AGRN: variants seen among roughly 807,000 people sequenced by gnomAD.
AGRN encodes agrin.
AGRN carries 106 observed loss-of-function variants against 211.0 expected under a neutral mutation model. The observed-to-expected ratio is 0.50, with a 90% CI of 0.43 to 0.59. The LOEUF is 0.59. Ranked by LOEUF, AGRN falls within the 20% of genes least tolerant of loss-of-function variation. The pLI is 0.00. For missense variants in AGRN, 3,040 were observed against 2,982.6 expected, an observed-to-expected ratio of 1.02 and a Z score of -0.45; for synonymous variants, 1,525 against 1,332.5, an observed-to-expected ratio of 1.14 and a Z score of -3.15.
At chr1:1,041,855 CCCTCTGGGAGGGCCG>C in intron 6 of AGRN, 86 bp from the exon 7 acceptor site, 4 of 1,546,276 alleles carry the variant, frequency 2.6e-6, no homozygotes, top group Middle Eastern at 2.3e-4. Flanking sequence ...TGGGCGGCTC[CCCTCTGGGAGGGCCG>C]CCTGCTCCCC....
At chr1:1,052,206 C>T (rs892440115) in intron 33 of AGRN, 16 of 589,126 alleles carry the variant, frequency 2.7e-5, no homozygotes, top group Middle Eastern at 6.1e-4. Context: ...GGGCACAGGC[C>T]GAGGGTCGCC....
chr1:1,027,716 C>T (rs1644550009), intron 2 of AGRN, among the ~76,000 whole-genome samples: 1 of 152,294 alleles, frequency 6.6e-6, no homozygotes, highest in Admixed American at 6.5e-5. Context: ...GACACAGATG[C>T]CCACCCCTGC....
chr1:1,043,862 G>T lies in AGRN; in HGVS notation c.1838G>T (p.Cys613Phe). ...GDAVCAFGAVCSAGQCVCPRC... is the reference protein window; with the variant it reads ...GDAVCAFGAVFSAGQCVCPRC... ...GCCGTGTGTGCTTTTGGGGCTGTGT[G>T]CTCCGCAGGGCAGTGTGTGTGTCCC... The change falls in exon 10 of 36, where the codon TGC (cysteine) becomes TTC (phenylalanine). Residue 613 changes from cysteine (C) to phenylalanine (F), a missense_variant. Physicochemically the swap from Cys to Phe is radical, Grantham distance 205. Around this residue, in one of 3 missense-constraint regions of AGRN, gnomAD observed 1,498 missense variants for 1,457.8 expected, o/e 1.03. Transcript: ENST00000379370. The T allele has an allele frequency of 6.2e-7, 1 of 1,611,352 alleles. No individual in the cohort carries two copies.
At chr1:1,033,342 G>A (rs1349419178) in intron 2 of AGRN, among the ~76,000 whole-genome samples, 3 of 151,806 alleles carry the variant, frequency 2.0e-5, no homozygotes, top group East Asian at 3.9e-4. Flanking sequence ...CGGGGCCGCG[G>A]GCGCAGACAC....
rs1327744072 is a variant in AGRN at position 1,053,763 on chromosome 1, C to G, written c.5662C>G (p.Leu1888Val). Residue 1888 changes from leucine to valine, a missense_variant, in exon 34 of 36, where the codon CTG becomes GTG. Leu to Val is a conservative substitution (Grantham distance 32). This residue lies in a region of AGRN where 1,537 missense variants were observed against 1,505.0 expected (regional missense o/e 1.02). Coordinates refer to ENST00000379370, the MANE Select transcript of AGRN (RefSeq NM_198576.4). ...LNAVTESEKA[L>V]QSNHFELSLR... ...CCCTCTGCCCTCCAGCGAGAAGGCA[C>G]TGCAGAGCAACCACTTTGAACTGAG... The G allele has an allele frequency of 1.2e-6, 2 of 1,605,040 alleles. No individual in the cohort carries two copies. Among genetic ancestry groups the G allele is most frequent in the African/African-American group, 1.3e-5 (1 of 74,980 alleles).
At chr1:1,020,426 G>T in intron 1 of AGRN, 53 bp downstream of exon 1, 1 of 1,467,670 alleles carries the variant, frequency 6.8e-7, no homozygotes, top group Non-Finnish European at 9.1e-7. Flanking sequence ...GCCCCGCCGG[G>T]ACCCCCGCCC....
rs371375427 is a variant in AGRN, at chr1:1,046,100, G to A, written c.2805+12G>A. 72 of 1,613,904 alleles carry A rather than the reference G, an allele frequency of 4.5e-5. No homozygotes were observed. The highest frequency in any genetic ancestry group is 5.8e-5 in the Non-Finnish European group (69 of 1,180,026). On this transcript the variant is annotated intron_variant, in intron 16 of 35. Coordinates refer to ENST00000379370, the MANE Select transcript of AGRN (RefSeq NM_198576.4). ...CCAACGCTACCAAGGTGAGGGGTGT[G>A]GGATGTGAAGGGGAGTGGGGAGGAG...
rs372633739 is a variant in AGRN at position 1,046,043 on chromosome 1, C to T, written c.2760C>T (p.His920=). 2.5e-6 allele frequency: 4 copies of T among 1,613,948 alleles called. No homozygotes were observed. In the African/African-American group the frequency reaches 5.3e-5, roughly 22 times the overall value. Residue 920 remains histidine, a synonymous_variant, in exon 16 of 36, where the codon CAC becomes CAT. Coordinates refer to ENST00000379370, the MANE Select transcript of AGRN (RefSeq NM_198576.4). ...GCGTGGAGGAGTCTGGCTCAGCCCACTGTGTCTGCCCGATGCTCACCTGTC... is the reference window on the plus strand; with the variant it reads ...GCGTGGAGGAGTCTGGCTCAGCCCATTGTGTCTGCCCGATGCTCACCTGTC... The part of the protein sequence containing the change: ...ARCVEESGSA[H]CVCPMLTCPE...
chr1:1,021,079 G>A lies in AGRN; in HGVS notation c.201+706G>A, dbSNP rs956572873. ...GGGGCTCGGGGGACCCAGAGCCGGCGCCCGTGTACCCCCAAAACCATCTCC... is the reference window on the plus strand; with the variant it reads ...GGGGCTCGGGGGACCCAGAGCCGGCACCCGTGTACCCCCAAAACCATCTCC... On this transcript the variant is annotated intron_variant, in intron 1 of 35. Transcript: ENST00000379370. Among the ~76,000 whole-genome samples, 9 of 152,258 alleles carry A rather than the reference G, an allele frequency of 5.9e-5. No homozygotes were observed. The East Asian group carries it at 1.5e-3, about 26-fold the overall frequency.
In AGRN at chr1:1,040,775, C is replaced by T. The variant is rs1466549067; in HGVS notation, c.622C>T (p.Pro208Ser). 1 of 1,541,408 alleles carries T rather than the reference C, an allele frequency of 6.5e-7. No homozygotes were observed. Among genetic ancestry groups the T allele is most frequent in the Non-Finnish European group, 8.7e-7 (1 of 1,147,734 alleles). ...GAGCCCGTGCCCCAGCGTGGTGGCG[C>T]CTGTGTGTGGGTCGGACGCCTCCAC... ...KKSPCPSVVA[P>S]VCGSDASTYS... is the part of the protein sequence containing the mutation. Residue 208 changes from proline to serine, a missense_variant, in exon 4 of 36, where the codon CCT becomes TCT. This residue lies in a region of AGRN where 1,498 missense variants were observed against 1,457.8 expected (regional missense o/e 1.03). Coordinates refer to ENST00000379370, the MANE Select transcript of AGRN (RefSeq NM_198576.4).
In AGRN at chr1:1,041,327, C is replaced by A. The variant is rs1218444564; in HGVS notation, c.882C>A (p.Gly294=). ...GCAGCGACGGCGCCGACTACCCCGG[C>A]GAGTGCCAGCTCCTGCGCCGCGCCT... ...VCGSDGADYP[G]ECQLLRRACA... Residue 294 remains glycine (G), a synonymous_variant, in exon 5 of 36, where the codon GGC becomes GGA. Coordinates refer to ENST00000379370, the MANE Select transcript of AGRN (RefSeq NM_198576.4). The A allele has an allele frequency of 6.6e-7, 1 of 1,526,200 alleles. No individual in the cohort carries two copies. The highest frequency in any genetic ancestry group is 2.5e-5 in the East Asian group (1 of 40,342). 94.5% of individuals were successfully genotyped at this position (1,526,200 alleles called of 1,614,324 possible).
At position 1,044,057 on chromosome 1, in the gene AGRN, C is replaced by T. The variant is rs151102274; in HGVS notation, c.1999+34C>T. 15,479 of 1,612,472 alleles carry T rather than the reference C, an allele frequency of 9.6e-3. 282 individuals are homozygous for T. The highest frequency in any genetic ancestry group is 0.056 in the South Asian group (5,133 of 91,074). On this transcript the variant is annotated intron_variant, in intron 10 of 35. Coordinates refer to ENST00000379370, the MANE Select transcript of AGRN (RefSeq NM_198576.4). ...GGGGACGCTGGCGAAAACTGCTGGG[C>T]TCTGGCTTTGGACAAGAAGCCCCTG...
In AGRN at chr1:1,031,326, G is replaced by C. The variant is rs555250616; in HGVS notation, c.464-3951G>C. Among the ~76,000 whole-genome samples the C allele has an allele frequency of 5.2e-3, 790 of 152,242 alleles. 10 individuals carry two copies. The highest frequency in any genetic ancestry group is 0.044 in the Middle Eastern group (13 of 294). On this transcript the variant is annotated intron_variant, in intron 2 of 35. Coordinates refer to ENST00000379370, the MANE Select transcript of AGRN (RefSeq NM_198576.4). This position sits in a 1 kb window ranked among gnomAD's most constrained non-coding sequence, Gnocchi z 4.8. ...GCGGTGCATGGTGCTGTGAGTGTGA[G>C]ATCAGGGACCAGGGGGCTAGTACTC...
At position 1,043,931 on chromosome 1, in the gene AGRN, G is replaced by C; in HGVS notation, c.1907G>C (p.Gly636Ala). Residue 636 changes from glycine to alanine, a missense_variant, in exon 10 of 36, where the codon GGT becomes GCT. Transcript: ENST00000379370. ...CCCGGCCCCGTGTGTGGCAGCGACG[G>C]TGTCACCTACGGCAGTGCCTGCGAG... ...PPPGPVCGSD[G>A]VTYGSACELR... 1 of 1,609,076 alleles carries C rather than the reference G, an allele frequency of 6.2e-7. No homozygotes were observed. Among genetic ancestry groups the C allele is most frequent in the Non-Finnish European group, 8.5e-7 (1 of 1,179,518 alleles).
intron 2 of AGRN, chr1:1,034,007 C>T (rs1240654765): frequency 3.4e-6 from 2 of 585,080 alleles, no homozygotes; most frequent in Middle Eastern, 8.2e-4. Context: ...ACCTCCCCAG[C>T]CCCGCGGGGA....
In AGRN at chr1:1,054,945, C is replaced by T. The variant is rs1228475895; in HGVS notation, c.6102C>T (p.Val2034=). 4 of 1,549,110 alleles carry T rather than the reference C, an allele frequency of 2.6e-6. No individual in the cohort carries two copies. Among genetic ancestry groups the T allele is most frequent in the East Asian group, 4.9e-5 (2 of 40,996 alleles). The change falls in exon 36 of 36, where the codon GTC becomes GTT. Residue 2034 remains valine, a synonymous_variant. Transcript: ENST00000379370. ...RHPLHLLEDA[V]TKPELRPCPT... ...CGCTGCACCTGCTGGAGGACGCCGT[C>T]ACCAAGCCAGAGCTGCGGCCCTGCC...
Position 1,035,290 on chromosome 1 carries a change from C to T in AGRN, c.477C>T (p.Thr159=), listed in dbSNP as rs1644776617. The change falls in exon 3 of 36, where the codon ACC becomes ACT. Residue 159 remains threonine, a synonymous_variant. Coordinates refer to ENST00000379370, the MANE Select transcript of AGRN (RefSeq NM_198576.4). The stretch of plus-strand genomic sequence containing the variant: ...GTTTTCTTCCAGATAAACCCGGGAC[C>T]CACTTCACTCCAGTGCCTCCGACGC... ...VEFCVEDKPG[T]HFTPVPPTPP... 6.2e-7 allele frequency: 1 copy of T among 1,612,978 alleles called. No individual in the cohort carries two copies. The highest frequency in any genetic ancestry group is 1.7e-5 in the Admixed American group (1 of 60,004).
intron 28 of AGRN, 32 bp downstream of exon 28, chr1:1,050,361 G>A: frequency 2.4e-5 from 39 of 1,612,610 alleles, no homozygotes; most frequent in Non-Finnish European, 3.3e-5. Flanking sequence ...GGAAGGGCCG[G>A]CCCCCACCTC....
Position 1,044,245 on chromosome 1 carries a change from C to G in AGRN, c.2136C>G (p.Val712=). The change falls in exon 11 of 36, where the codon GTC becomes GTG. Residue 712 remains valine, a synonymous_variant. Coordinates refer to ENST00000379370, the MANE Select transcript of AGRN (RefSeq NM_198576.4). The part of the protein sequence containing the change: ...PCVCDFSCQS[V]PGSPVCGSDG... ...TCTGTGACTTCAGCTGCCAGAGTGTCCCAGGCAGCCCGGTGAGCTCTGTAC... is the reference window on the plus strand; with the variant it reads ...TCTGTGACTTCAGCTGCCAGAGTGTGCCAGGCAGCCCGGTGAGCTCTGTAC... The G allele has an allele frequency of 6.2e-7, 1 of 1,612,904 alleles. No individual in the cohort carries two copies. The highest frequency in any genetic ancestry group is 1.3e-5 in the African/African-American group (1 of 75,010).
Sources: allele counts gnomAD v4.1 joint callset (sites outside exome capture counted in the v4.1 genomes callset), GRCh38; gene constraint gnomAD v4.1.1; regional missense constraint gnomAD v4.1.1; non-coding constraint Gnocchi (gnomAD v3.1); transcripts MANE v1.5; gene names NCBI Gene and HGNC (gene_info 2026-07-23, HGNC 2026-07-21).